Variants in DENND2B observed in about 807,000 individuals in gnomAD.
DENND2B encodes the protein DENN domain-containing protein 2B.
DENND2B carries 32 observed loss-of-function variants against 116.0 expected under a neutral mutation model. The ratio of observed to expected loss-of-function variants is 0.28; its 90% CI spans 0.21 to 0.37. DENND2B has a LOEUF of 0.37. Among genes scored for constraint, DENND2B ranks in the 10% least tolerant of loss-of-function variants. The pLI is 1.00. For missense variants in DENND2B, 1,276 were observed against 1,477.7 expected, an observed-to-expected ratio of 0.86 and a Z score of 2.24; for synonymous variants, 588 against 583.9, an observed-to-expected ratio of 1.01 and a Z score of -0.10.
chr11:8,711,055 A>G, intron 10 of DENND2B, 67 bp downstream of exon 10: 2 of 1,565,600 alleles, frequency 1.3e-6, no homozygotes, highest in Non-Finnish European at 1.8e-6. Flanking sequence ...GGCCCCACTC[A>G]GGTGCCCACG....
At chr11:8,850,060 A>C (rs2062953881) in intron 3 of DENND2B, among the ~76,000 whole-genome samples, 1 of 152,116 alleles carries the variant, frequency 6.6e-6, no homozygotes, top group African/African-American at 2.4e-5. Context: ...ACTTGAGCCA[A>C]GGAGGTCAAG....
intron 14 of DENND2B, among the ~76,000 whole-genome samples, chr11:8,701,038 C>A (rs1014397838): frequency 6.6e-6 from 1 of 152,102 alleles, no homozygotes; most frequent in Non-Finnish European, 1.5e-5. Flanking sequence ...CTGCCCACCT[C>A]GGCCTCCCAA....
intron 13 of DENND2B, among the ~76,000 whole-genome samples, chr11:8,706,752 C>T (rs1848894122): frequency 6.6e-6 from 1 of 152,190 alleles, no homozygotes; most frequent in East Asian, 1.9e-4. Context: ...GAGCCACGTC[C>T]CTCTACCTCT....
chr11:8,830,174 C>A lies in DENND2B; in HGVS notation c.-115+9136G>T, dbSNP rs766310180. ...CCACCTTCACTGCATCACTTCACAT[C>A]ACCTATGTAATGGCAGGACTTCCAG... is the stretch of plus-strand genomic sequence containing the variant. On this transcript the variant is annotated intron_variant, in intron 4 of 6. Coordinates refer to the DENND2B transcript ENST00000524757. 5.2e-4 allele frequency among the ~76,000 whole-genome samples: 79 copies of A among 152,198 alleles called. 1 individual carries two copies. The highest frequency in any genetic ancestry group is 1.3e-4 in the Non-Finnish European group (9 of 68,038).
intron 19 of DENND2B, among the ~76,000 whole-genome samples, chr11:8,695,002 C>T (rs1014339125): frequency 8.5e-5 from 13 of 152,074 alleles, no homozygotes; most frequent in Non-Finnish European, 1.6e-4. Flanking sequence ...TTTGAGGCTG[C>T]GGTGAGCTAG....
chr11:8,700,066 G>C (rs6483727), intron 14 of DENND2B: 14 of 357,846 alleles, frequency 3.9e-5, no homozygotes, highest in Admixed American at 1.6e-4. Flanking sequence ...AGCTGGCCTG[G>C]GGGGGGGCAG....
At chr11:8,854,216 A>G (rs568720541) in intron 3 of DENND2B, among the ~76,000 whole-genome samples, 26 of 150,422 alleles carry the variant, frequency 1.7e-4, no homozygotes, top group African/African-American at 5.6e-4. Context: ...TTATTTATTT[A>G]TTTGAGACAG....
chr11:8,716,934 C>T (rs2044958977), intron 5 of DENND2B, among the ~76,000 whole-genome samples: 1 of 152,244 alleles, frequency 6.6e-6, no homozygotes, highest in Non-Finnish European at 1.5e-5. Context: ...TGAGCCACCA[C>T]TCCCAGCTAT....
upstream of DENND2B, among the ~76,000 whole-genome samples, chr11:8,872,086 G>A (rs1383133486): frequency 2.0e-5 from 3 of 152,154 alleles, no homozygotes; most frequent in African/African-American, 7.2e-5. Flanking sequence ...AACATAAGCA[G>A]GCTCCAAGGC....
intron 3 of DENND2B, among the ~76,000 whole-genome samples, chr11:8,843,024 C>CT (rs77783163): frequency 0.27 from 40,480 of 149,352 alleles, 5,675 homozygotes; most frequent in East Asian, 0.54. Flanking sequence ...TCTTTTCTCT[C>CT]TTTTTTTTTT....
chr11:8,705,394 C>T (rs572949229), intron 13 of DENND2B, among the ~76,000 whole-genome samples: 1 of 152,284 alleles, frequency 6.6e-6, no homozygotes, highest in South Asian at 2.1e-4. Flanking sequence ...ACGCCTCATC[C>T]TGACCTCTTG....
chr11:8,750,558 G>A (rs2052185653), intron 2 of DENND2B, 63 bp downstream of exon 2: 15 of 1,396,656 alleles, frequency 1.1e-5, no homozygotes, highest in East Asian at 2.3e-5. Flanking sequence ...TTACATTTTG[G>A]AGGGATCCCA....
Position 8,707,764 on chromosome 11 carries a change from C to T in DENND2B, c.2430+13G>A. 1.2e-6 allele frequency: 2 copies of T among 1,600,852 alleles called. No homozygotes were observed. Among genetic ancestry groups the T allele is most frequent in the South Asian group, 2.3e-5 (2 of 88,764 alleles). ...CTGGGGGACGGGGAGGGAAGCCTGC[C>T]AGAGCCTCTTACCTTGGAAAACAAG... On this transcript the variant is annotated intron_variant, in intron 12 of 19. Coordinates refer to ENST00000313726, the MANE Select transcript of DENND2B (RefSeq NM_213618.2). This position sits in a 1 kb window ranked among gnomAD's most constrained non-coding sequence, Gnocchi z 4.8.
At chr11:8,886,881 T>G (rs1384845450) in intron 1 of DENND2B, among the ~76,000 whole-genome samples, 1 of 152,188 alleles carries the variant, frequency 6.6e-6, no homozygotes, top group Admixed American at 6.5e-5. Flanking sequence ...CAGGCTGGAG[T>G]GCAATGGTGC....
intron 1 of DENND2B, among the ~76,000 whole-genome samples, chr11:8,778,795 C>T (rs1043150658): frequency 1.3e-5 from 2 of 152,208 alleles, no homozygotes; most frequent in Admixed American, 6.5e-5. Context: ...TGCCTAAATG[C>T]TGATTACTGT....
At chr11:8,695,660 C>T (rs1416114641) in intron 18 of DENND2B, 111 bp from the exon 19 acceptor site, 2 of 889,194 alleles carry the variant, frequency 2.2e-6, no homozygotes, top group Non-Finnish European at 3.5e-6. Context: ...AGAAAGAAAA[C>T]ATCTGGGATG....
At chr11:8,828,183 A>G (rs1032349889) in intron 4 of DENND2B, among the ~76,000 whole-genome samples, 1 of 152,212 alleles carries the variant, frequency 6.6e-6, no homozygotes, top group Non-Finnish European at 1.5e-5. Context: ...GCTGGGGCAG[A>G]GATCTAAAGC....
chr11:8,736,831 A>T (rs534972571), intron 2 of DENND2B, among the ~76,000 whole-genome samples: 3 of 152,326 alleles, frequency 2.0e-5, no homozygotes, highest in African/African-American at 7.2e-5. Context: ...TGGGCCACTG[A>T]TAAGACTTGG....
intron 4 of DENND2B, among the ~76,000 whole-genome samples, chr11:8,818,787 G>A (rs2061664669): frequency 6.6e-6 from 1 of 152,136 alleles, no homozygotes; most frequent in Admixed American, 6.5e-5. Context: ...ATTTTTAAAT[G>A]AATGAACTAA....
Sources: gnomAD v4.1 joint callset for allele counts (sites outside exome capture counted in the v4.1 genomes callset) on GRCh38, gnomAD v4.1.1 for gene constraint, Gnocchi (gnomAD v3.1) non-coding constraint, MANE v1.5 for transcripts, NCBI Gene and HGNC (gene_info 2026-07-23, HGNC 2026-07-21) for gene names.